NCR1: variants seen among roughly 807,000 people sequenced by gnomAD.
NCR1 encodes NK cell-activating receptor.
In NCR1, 30 loss-of-function variants were observed where a neutral mutation model predicts 32.5. The observed-to-expected ratio is 0.92, with a 90% CI of 0.69 to 1.25. NCR1 has a LOEUF of 1.25. Among genes scored for constraint, NCR1 ranks in the 50% most tolerant of loss-of-function variants. The pLI, the probability that NCR1 is intolerant of heterozygous loss-of-function variation, is 0.00. For synonymous variants in NCR1, 169 were observed against 143.4 expected, an observed-to-expected ratio of 1.18 and a Z score of -1.28; for missense variants, 369 against 380.7, an observed-to-expected ratio of 0.97 and a Z score of 0.26.
downstream of NCR1, among the ~76,000 whole-genome samples, chr19:54,915,072 C>T (rs1286476076): frequency 1.3e-5 from 2 of 152,122 alleles, no homozygotes; most frequent in Non-Finnish European, 2.9e-5. Context: ...CCCAAAGCAC[C>T]TGTTAATTCC....
At chr19:54,923,901 C>G in the NCR1 span, 1 of 1,578,750 alleles carries the variant, frequency 6.3e-7, no homozygotes, top group Non-Finnish European at 8.6e-7. Flanking sequence ...ACAAATGTTC[C>G]CAGAAATTCA....
At chr19:54,935,381 G>C in the NCR1 span, among the ~76,000 whole-genome samples, 3 of 151,996 alleles carry the variant, frequency 2.0e-5, no homozygotes, top group Non-Finnish European at 4.4e-5. Flanking sequence ...GGGGCAAATT[G>C]ATGCTTAATA....
intron 3 of NCR1, among the ~76,000 whole-genome samples, chr19:54,908,856 C>T (rs1287741250): frequency 6.6e-6 from 1 of 152,036 alleles, no homozygotes; most frequent in Non-Finnish European, 1.5e-5. Context: ...TCTCAAACTC[C>T]TGACCCAGGA....
intron 4 of NCR1, 101 bp from the exon 5 acceptor site, chr19:54,909,910 GGGCGACA>G: frequency 1.0e-6 from 1 of 1,000,500 alleles, no homozygotes; most frequent in Non-Finnish European, 1.5e-6. Flanking sequence ...ACTGCAACCT[GGGCGACA>G]GAGCAAGACT....
At chr19:54,904,034 G>A (rs139619472), upstream of NCR1, among the ~76,000 whole-genome samples, 8,431 of 149,036 alleles carry the variant, frequency 0.057, 300 homozygotes, top group Middle Eastern at 0.12. Context: ...GCTGAGGCAG[G>A]AGAATTGCTT....
chr19:54,900,276 G>A, the NCR1 span, among the ~76,000 whole-genome samples: 5,014 of 152,004 alleles, frequency 0.033, 100 homozygotes, highest in African/African-American at 0.055. Context: ...GCTGAGTCCA[G>A]AAAGAGAGTC....
the NCR1 span, among the ~76,000 whole-genome samples, chr19:54,934,855 A>G: frequency 9.8e-3 from 1,487 of 151,970 alleles, 22 homozygotes; most frequent in African/African-American, 0.034. The surrounding 1 kb of genome is among the most constrained non-coding windows in gnomAD (Gnocchi z 6.7). Context: ...GATTACAGGC[A>G]TTCGCCAATT....
upstream of NCR1, among the ~76,000 whole-genome samples, chr19:54,903,446 GTATATA>G (rs2067358848): frequency 1.7e-5 from 2 of 115,734 alleles, no homozygotes; most frequent in Non-Finnish European, 3.5e-5. Flanking sequence ...ATACATGTAT[GTATATA>G]CATATATGTA....
chr19:54,903,417 TAC>T (rs2067355180), upstream of NCR1, among the ~76,000 whole-genome samples: 3 of 145,634 alleles, frequency 2.1e-5, no homozygotes, highest in African/African-American at 5.1e-5. Context: ...TATACACGCA[TAC>T]ATGTATGTAT....
chr19:54,932,858 T>C, the NCR1 span, among the ~76,000 whole-genome samples: 1 of 152,186 alleles, frequency 6.6e-6, no homozygotes, highest in South Asian at 2.1e-4. Context: ...GTTTTCACCA[T>C]GTTGGCCAGG....
Position 54,912,422 on chromosome 19 carries a change from T to C in NCR1, c.733+204T>C, listed in dbSNP as rs141781244. On this transcript the variant is annotated intron_variant, in intron 6 of 6. Transcript: ENST00000291890. ...GACCAGTCTGGCCAACATGGCGAAA[T>C]CCCATCTCTACTAAAAATACAAAAA... Among the ~76,000 whole-genome samples, 525 of 151,044 alleles carry C rather than the reference T, an allele frequency of 3.5e-3. 1 individual carries two copies. The highest frequency in any genetic ancestry group is 0.012 in the African/African-American group (480 of 41,176).
At chr19:54,905,657 G>A (rs2067548035), upstream of NCR1, among the ~76,000 whole-genome samples, 2 of 152,116 alleles carry the variant, frequency 1.3e-5, no homozygotes, top group African/African-American at 4.8e-5. Context: ...GGAGAGATAA[G>A]GCTCACTAGC....
upstream of NCR1, among the ~76,000 whole-genome samples, chr19:54,901,588 A>T (rs587772308): frequency 6.6e-6 from 1 of 152,204 alleles, no homozygotes; most frequent in East Asian, 1.9e-4. Context: ...TGGGAGGCTG[A>T]GGCAGGCGGA....
chr19:54,909,262 A>G lies in NCR1; in HGVS notation c.373A>G (p.Thr125Ala), dbSNP rs1569536904. 1 of 1,612,668 alleles carries G rather than the reference A, an allele frequency of 6.2e-7. No individual in the cohort carries two copies. Among genetic ancestry groups the G allele is most frequent in the Non-Finnish European group, 8.5e-7 (1 of 1,179,038 alleles). The change falls in exon 4 of 7, where the codon ACC becomes GCC. Residue 125 changes from threonine to alanine, a missense_variant. Coordinates refer to ENST00000291890, the MANE Select transcript of NCR1 (RefSeq NM_004829.7). ...TCTCATAGAAATGTATGACACACCCACCCTCTCGGTTCATCCTGGACCCGA... is the reference window on the plus strand; with the variant it reads ...TCTCATAGAAATGTATGACACACCCGCCCTCTCGGTTCATCCTGGACCCGA... Reference protein sequence around the residue: ...LVVTEMYDTPTLSVHPGPEVI... With the variant: ...LVVTEMYDTPALSVHPGPEVI...
chr19:54,936,472 A>C, the NCR1 span: 356,870 of 1,527,884 alleles, frequency 0.23, 42,739 homozygotes, highest in Admixed American at 0.31. Flanking sequence ...AGTGATTAAT[A>C]CTCACATTGT....
At chr19:54,899,039 T>C in the NCR1 span, among the ~76,000 whole-genome samples, 1 of 151,876 alleles carries the variant, frequency 6.6e-6, no homozygotes, top group Non-Finnish European at 1.5e-5. Context: ...ATGCTTGGGG[T>C]TGGGACTGAC....
intron 6 of NCR1, among the ~76,000 whole-genome samples, chr19:54,912,475 T>G (rs951865898): frequency 6.6e-6 from 1 of 151,764 alleles, no homozygotes; most frequent in African/African-American, 2.4e-5. Flanking sequence ...GGCGTGTGCC[T>G]GTAGTCCCAG....
chr19:54,909,094 C>G, intron 3 of NCR1, 151 bp from the exon 4 acceptor site: 2 of 686,708 alleles, frequency 2.9e-6, no homozygotes, highest in South Asian at 2.2e-5. Context: ...CGCTTGAACC[C>G]GGGAGGCGGA....
downstream of NCR1, among the ~76,000 whole-genome samples, chr19:54,917,670 A>C (rs1295979007): frequency 6.6e-6 from 1 of 151,608 alleles, no homozygotes; most frequent in Non-Finnish European, 1.5e-5. Flanking sequence ...TTTGCTCTCC[A>C]CTCCAGGGGA....
Sources: gnomAD v4.1 joint callset for allele counts (sites outside exome capture counted in the v4.1 genomes callset) on GRCh38, gnomAD v4.1.1 for gene constraint, Gnocchi (gnomAD v3.1) non-coding constraint, MANE v1.5 for transcripts, NCBI Gene and HGNC (gene_info 2026-07-23, HGNC 2026-07-21) for gene names.